XYLT2: variants seen among roughly 807,000 people sequenced by gnomAD.
XYLT2 encodes the protein xylosyltransferase 2, also known as UDP-D-xylose:proteoglycan core protein beta-D-xylosyltransferase.
A neutral mutation model predicts 82.6 loss-of-function variants in XYLT2; 37 were observed. The ratio of observed to expected loss-of-function variants is 0.45; its 90% CI spans 0.34 to 0.59. The LOEUF (loss-of-function observed/expected upper bound fraction) is 0.59, where lower values mean the gene tolerates loss of function less well. Among genes scored for constraint, XYLT2 ranks in the 20% least tolerant of loss-of-function variants. XYLT2 has a pLI of 0.01. For synonymous variants in XYLT2, 474 were observed against 499.0 expected, an observed-to-expected ratio of 0.95 and a Z score of 0.67; for missense variants, 934 against 1,181.3, an observed-to-expected ratio of 0.79 and a Z score of 3.07.
chr17:50,347,194 G>A (rs1295702415), intron 1 of XYLT2, among the ~76,000 whole-genome samples: 1 of 152,216 alleles, frequency 6.6e-6, no homozygotes, highest in Non-Finnish European at 1.5e-5. Flanking sequence ...CCACACCACA[G>A]CCCTAAGCTG....
intron 3 of XYLT2, 134 bp downstream of exon 3, chr17:50,354,717 C>T: frequency 6.6e-7 from 1 of 1,516,666 alleles, no homozygotes. Context: ...GGAGTGGCAG[C>T]ACGAGCCAGC....
Position 50,353,998 on chromosome 17 carries a change from C to G in XYLT2, c.504C>G (p.Asp168Glu), listed in dbSNP as rs375796396. 1 of 1,606,938 alleles carries G rather than the reference C, an allele frequency of 6.2e-7. No individual in the cohort carries two copies. Among genetic ancestry groups the G allele is most frequent in the South Asian group, 1.1e-5 (1 of 91,084 alleles). The change falls in exon 2 of 11, where the codon GAC becomes GAG. Residue 168 changes from aspartate to glutamate, a missense_variant. Transcript: ENST00000017003. ...FTPKCEIVGK[D>E]ALSALARAST... Reference sequence around the variant, plus strand: ...CCAAGTGCGAGATCGTGGGCAAGGACGCACTGTCTGCACTGGCCCGGGCCA... The same window carrying G: ...CCAAGTGCGAGATCGTGGGCAAGGAGGCACTGTCTGCACTGGCCCGGGCCA...
chr17:50,350,932 A>AG (rs555068965), intron 1 of XYLT2, among the ~76,000 whole-genome samples: 1 of 151,960 alleles, frequency 6.6e-6, no homozygotes, highest in East Asian at 1.9e-4. Flanking sequence ...CAGGAGTGCC[A>AG]GGGGGGATGA....
Position 50,346,704 on chromosome 17 carries a change from G to C in XYLT2, c.135+429G>C. 1.0e-6 allele frequency: 1 copy of C among 985,398 alleles called. No individual in the cohort carries two copies. The highest frequency in any genetic ancestry group is 1.2e-6 in the Non-Finnish European group (1 of 829,912). The allele number at this position is 985,398 out of a possible 1,614,324, so 61.0% of individuals were successfully genotyped here. ...GCCGTGGGCGGAGGAGTAGGGCCAA[G>C]GGACTCAGGGCGTCCTTCCCCAGCT... On this transcript the variant is annotated intron_variant, in intron 1 of 10. Transcript: ENST00000017003. This position sits in a 1 kb window ranked among gnomAD's most constrained non-coding sequence, Gnocchi z 5.1.
At chr17:50,354,743 C>T in intron 3 of XYLT2, 111 bp from the exon 4 acceptor site, 1 of 1,548,010 alleles carries the variant, frequency 6.5e-7, no homozygotes, top group South Asian at 1.1e-5. Context: ...CGCTTAGGGG[C>T]TGGAGCCCTG....
chr17:50,356,798 C>G (rs766307547), intron 8 of XYLT2, 25 bp downstream of exon 8: 25 of 1,589,344 alleles, frequency 1.6e-5, no homozygotes, highest in Non-Finnish European at 2.0e-5. Context: ...TGACATACAG[C>G]AGGCCCTTGG....
intron 1 of XYLT2, among the ~76,000 whole-genome samples, chr17:50,347,979 G>C (rs1225804417): frequency 6.6e-6 from 1 of 152,228 alleles, no homozygotes; most frequent in East Asian, 1.9e-4. Flanking sequence ...CCCGTGTTAG[G>C]TGATTATAAA....
rs746353558 is a variant in XYLT2, at chr17:50,355,518, T to G, written c.1025T>G (p.Val342Gly). Residue 342 changes from valine (V) to glycine (G), a missense_variant, in exon 5 of 11, where the codon GTG becomes GGG. Val to Gly is a moderately radical substitution (Grantham distance 109). Around this residue, in one of 3 missense-constraint regions of XYLT2, gnomAD observed 189 missense variants for 320.8 expected, o/e 0.59. Transcript: ENST00000017003. ...DYPTRTNEEL[V>G]AFLSKNRDKN... is the part of the protein sequence containing the mutation. Reference sequence around the variant, plus strand: ...TTCACCAGGACCAATGAGGAGCTGGTGGCATTCCTATCCAAGAACCGGGAC... The same window carrying G: ...TTCACCAGGACCAATGAGGAGCTGGGGGCATTCCTATCCAAGAACCGGGAC... 5 of 1,614,010 alleles carry G rather than the reference T, an allele frequency of 3.1e-6. No individual in the cohort carries two copies. The East Asian group carries it at 1.1e-4, about 36-fold the overall frequency.
In XYLT2 at chr17:50,361,045, GGAA is replaced by G; in HGVS notation, c.*760_*762del. The G allele has an allele frequency of 1.0e-6, 1 of 985,896 alleles. No individual in the cohort carries two copies. The highest frequency in any genetic ancestry group is 1.2e-6 in the Non-Finnish European group (1 of 829,944). The allele number at this position is 985,896 out of a possible 1,614,324, so 61.1% of individuals were successfully genotyped here. Reference sequence around the variant, plus strand: ...GAAGTGAGGTCACATGAGCAGCGTGGGAAGAAGACTCTGTCAAGACTCTCAGAA... The same window carrying G: ...GAAGTGAGGTCACATGAGCAGCGTGGGAAGACTCTGTCAAGACTCTCAGAA... On this transcript the variant is annotated 3_prime_UTR_variant, in exon 11 of 11. Transcript: ENST00000017003.
rs773726340 is a variant in XYLT2 at position 50,356,615 on chromosome 17, C to A, written c.1587C>A (p.Gly529=). ...DFHLYGSYPP[G]TPALKAYWEN... ...ACCTGTATGGCAGCTACCCCCCCGG[C>A]ACGCCAGCCCTCAAGGCCTACTGGG... Residue 529 remains glycine, a synonymous_variant, in exon 8 of 11, where the codon GGC becomes GGA. Coordinates refer to ENST00000017003, the MANE Select transcript of XYLT2 (RefSeq NM_022167.4). 1 of 1,614,024 alleles carries A rather than the reference C, an allele frequency of 6.2e-7. No homozygotes were observed. The highest frequency in any genetic ancestry group is 8.5e-7 in the Non-Finnish European group (1 of 1,180,024).
chr17:50,347,624 C>T (rs1282073551), intron 1 of XYLT2, among the ~76,000 whole-genome samples: 1 of 152,234 alleles, frequency 6.6e-6, no homozygotes, highest in Non-Finnish European at 1.5e-5. Flanking sequence ...AGCCCTCTGA[C>T]CCTGGAATAT....
chr17:50,354,253 A>G, intron 2 of XYLT2, 131 bp downstream of exon 2: 8 of 1,517,536 alleles, frequency 5.3e-6, no homozygotes, highest in South Asian at 1.2e-5. Context: ...GTCTTCATCC[A>G]GTGTACTTAC....
intron 10 of XYLT2, chr17:50,359,183 G>C (rs1458950430): frequency 6.5e-6 from 1 of 152,802 alleles, no homozygotes; most frequent in African/African-American, 2.4e-5. Context: ...CTGGCCAGGT[G>C]GGCAGGGTCA....
chr17:50,358,497 T>C lies in XYLT2; in HGVS notation c.2232T>C (p.Leu744=). 6.2e-7 allele frequency: 1 copy of C among 1,614,046 alleles called. No homozygotes were observed. Among genetic ancestry groups the C allele is most frequent in the Non-Finnish European group, 8.5e-7 (1 of 1,179,908 alleles). ...AACCGCTGGGTGAGACCCGCTTCCT[T>C]GTGCTGCCCTTGACCTTCAACCGCA... ...FWEPLGETRF[L]VLPLTFNRKL... Residue 744 remains leucine, a synonymous_variant, in exon 10 of 11, where the codon CTT becomes CTC. Coordinates refer to ENST00000017003, the MANE Select transcript of XYLT2 (RefSeq NM_022167.4).
rs371738956 is a variant in XYLT2, at chr17:50,350,653, C to T, written c.136-2977C>T. Among the ~76,000 whole-genome samples, 6 of 152,166 alleles carry T rather than the reference C, an allele frequency of 3.9e-5. No homozygotes were observed. The East Asian group carries it at 1.2e-3, about 29-fold the overall frequency. On this transcript the variant is annotated intron_variant, in intron 1 of 10. Coordinates refer to ENST00000017003, the MANE Select transcript of XYLT2 (RefSeq NM_022167.4). ...GTCAGTGAACAAAACAGGAAAAAAGCCCTGCCCTTGGGGAACTTACAATCT... is the reference window on the plus strand; with the variant it reads ...GTCAGTGAACAAAACAGGAAAAAAGTCCTGCCCTTGGGGAACTTACAATCT...
intron 4 of XYLT2, 140 bp downstream of exon 4, chr17:50,355,196 C>A: frequency 3.1e-6 from 3 of 957,706 alleles, no homozygotes; most frequent in Non-Finnish European, 3.1e-6. Flanking sequence ...GGCCCCTGGG[C>A]CCCAGCTATG....
rs143190589 is a variant in XYLT2 at position 50,352,603 on chromosome 17, G to A, written c.136-1027G>A. 3.5e-4 allele frequency among the ~76,000 whole-genome samples: 53 copies of A among 152,298 alleles called. 1 individual carries two copies. The highest frequency in any genetic ancestry group is 1.2e-3 in the African/African-American group (49 of 41,560). ...TGGGGGAACGGAGGAGGAGGTGGCT[G>A]GACATGCTGTTCAGTCACCACCAGG... On this transcript the variant is annotated intron_variant, in intron 1 of 10. Transcript: ENST00000017003.
chr17:50,358,677 A>G, intron 10 of XYLT2, 137 bp downstream of exon 10: 1 of 926,208 alleles, frequency 1.1e-6, no homozygotes, highest in Admixed American at 2.9e-5. Flanking sequence ...TGGGGCCTTC[A>G]TCTTCTTTCC....
chr17:50,355,169 C>A, intron 4 of XYLT2, 113 bp downstream of exon 4: 1 of 1,217,066 alleles, frequency 8.2e-7, no homozygotes, highest in Non-Finnish European at 1.1e-6. Context: ...CTCTGGGATC[C>A]GCCCTGCTCA....
Sources: gnomAD v4.1 joint callset for allele counts (sites outside exome capture counted in the v4.1 genomes callset) on GRCh38, gnomAD v4.1.1 for gene constraint, gnomAD v4.1.1 regional missense constraint, Gnocchi (gnomAD v3.1) non-coding constraint, MANE v1.5 for transcripts, NCBI Gene and HGNC (gene_info 2026-07-23, HGNC 2026-07-21) for gene names.